The following MEST variants were observed in gnomAD, a reference collection of about 807,000 sequenced individuals.
The protein encoded by MEST is mesoderm-specific transcript homolog protein.
A neutral mutation model predicts 50.9 loss-of-function variants in MEST; 18 were observed. The ratio of observed to expected loss-of-function variants is 0.35; its 90% CI spans 0.24 to 0.52. MEST has a LOEUF of 0.52. Ranked by LOEUF, MEST falls within the 20% of genes least tolerant of loss-of-function variation. The pLI, the probability that MEST is intolerant of heterozygous loss-of-function variation, is 0.94. For missense variants in MEST, 282 were observed against 425.3 expected (o/e 0.66, Z 2.96); for synonymous variants, 130 against 154.1 (o/e 0.84, Z 1.16).
intron 6 of MEST, 117 bp from the exon 7 acceptor site, chr7:130,499,758 G>C: frequency 1.4e-6 from 1 of 737,848 alleles, no homozygotes; most frequent in Admixed American, 2.8e-5. Flanking sequence ...TTGGGAGGCT[G>C]AGGTGAGAGG....
At chr7:130,486,640 G>A (rs1430416330) in intron 1 of MEST, 1 of 152,292 alleles carries the variant, frequency 6.6e-6, no homozygotes, top group Non-Finnish European at 1.5e-5. Flanking sequence ...GTGGGCGAGA[G>A]CCTCGGTCGT....
At chr7:130,496,952 A>G (rs1799084199) in intron 2 of MEST, 1 of 370,078 alleles carries the variant, frequency 2.7e-6, no homozygotes, top group Non-Finnish European at 4.9e-6. Context: ...GATTTTTACA[A>G]TGTTTTAATA....
rs1489745771 is a variant in MEST, at chr7:130,495,558, G to A, written c.181+36G>A. On this transcript the variant is annotated intron_variant, in intron 2 of 11. Coordinates refer to ENST00000223215, the MANE Select transcript of MEST (RefSeq NM_002402.4). ...GACTATTGGAAGTCCTGCGTGTATC[G>A]GTCACATAAGTCCCAGCTGAGGTAT... The A allele has an allele frequency of 6.3e-6, 10 of 1,598,602 alleles. No individual in the cohort carries two copies. The Admixed American group carries it at 6.7e-5, about 11-fold the overall frequency.
upstream of MEST, chr7:130,491,491 G>C (rs1352981405): frequency 1.3e-5 from 2 of 152,330 alleles, no homozygotes; most frequent in Admixed American, 1.3e-4. This position sits in a 1 kb window ranked among gnomAD's most constrained non-coding sequence, Gnocchi z 6.8. Context: ...TTGGTGGTGG[G>C]TCCAACAGAG....
intron 11 of MEST, 108 bp downstream of exon 11, chr7:130,504,104 G>A (rs1403253112): frequency 9.3e-5 from 73 of 781,884 alleles, no homozygotes; most frequent in Non-Finnish European, 1.4e-4. Context: ...CTTTAACCTC[G>A]CTGGCTGTTC....
chr7:130,491,477 TAGCTTGGTGGTGGGTCCAACAG>T (rs1288895032), upstream of MEST: 1 of 152,330 alleles, frequency 6.6e-6, no homozygotes, highest in Non-Finnish European at 1.5e-5. This position sits in a 1 kb window ranked among gnomAD's most constrained non-coding sequence, Gnocchi z 6.8. Context: ...ATCTGTTTAC[TAGCTTGGTGGTGGGTCCAACAG>T]AGCTTGTTGC....
rs1798850350 is a variant in MEST, at chr7:130,492,249, G to T, written c.-65G>T. 7.7e-7 allele frequency: 1 copy of T among 1,303,118 alleles called. No individual in the cohort carries two copies. Among genetic ancestry groups the T allele is most frequent in the Non-Finnish European group, 9.8e-7 (1 of 1,024,960 alleles). The allele number at this position is 1,303,118 out of a possible 1,614,324, so 80.7% of individuals were successfully genotyped here. Reference sequence around the variant, plus strand: ...CCCCGCTGCTGGCCAGCTCTGCACGGCTGCGGGCTCTGCGGCGCCCGGTGC... The same window carrying T: ...CCCCGCTGCTGGCCAGCTCTGCACGTCTGCGGGCTCTGCGGCGCCCGGTGC... On this transcript the variant is annotated 5_prime_UTR_variant, in exon 1 of 12. Coordinates refer to ENST00000223215, the MANE Select transcript of MEST (RefSeq NM_002402.4). This position sits in a 1 kb window ranked among gnomAD's most constrained non-coding sequence, Gnocchi z 7.6.
rs1799225821 is a variant in MEST at position 130,500,279 on chromosome 7, A to G, written c.577-183A>G. ...ATTGTAGAAAAGTAATCTTAGATGG[A>G]ATTAGAAATAGATTTGTCTTCCTTG... On this transcript the variant is annotated intron_variant, in intron 7 of 11. Transcript: ENST00000223215. This position sits in a 1 kb window ranked among gnomAD's most constrained non-coding sequence, Gnocchi z 5.0. Among the ~76,000 whole-genome samples the G allele has an allele frequency of 6.6e-6, 1 of 152,254 alleles. No individual in the cohort carries two copies. The highest frequency in any genetic ancestry group is 1.5e-5 in the Non-Finnish European group (1 of 68,040).
rs1363904127 is a variant in MEST, at chr7:130,492,922, T to G, written c.26+583T>G. 6.6e-6 allele frequency among the ~76,000 whole-genome samples: 1 copy of G among 151,590 alleles called. No homozygotes were observed. Among genetic ancestry groups the G allele is most frequent in the African/African-American group, 2.4e-5 (1 of 41,222 alleles). ...TTTTAGAACCCCAGCATCGCTCTGG[T>G]GCGACTTAAAGGATAGGCCCCAGCA... On this transcript the variant is annotated intron_variant, in intron 1 of 11. Transcript: ENST00000223215. This position sits in a 1 kb window ranked among gnomAD's most constrained non-coding sequence, Gnocchi z 7.6.
Position 130,498,283 on chromosome 7 carries a change from G to C in MEST, c.476+8G>C, listed in dbSNP as rs1799144995. 1 of 1,613,720 alleles carries C rather than the reference G, an allele frequency of 6.2e-7. No individual in the cohort carries two copies. Among genetic ancestry groups the C allele is most frequent in the South Asian group, 1.1e-5 (1 of 91,024 alleles). On this transcript the variant is annotated splice_region_variant and intron_variant, in intron 5 of 11. Transcript: ENST00000223215. The stretch of plus-strand genomic sequence containing the variant: ...TCAGGAGCTTCTCTACAGGTCAGTG[G>C]AGCTTCAGACTTCAGCTTATGATGC...
rs1224636028 is a variant in MEST at position 130,505,632 on chromosome 7, T to TA, written c.*577dup. ...TTAAAATAGATATTGGTTTAAATGA[T>TA]ACAGTATTTTAGGTATGATTTAAGA... On this transcript the variant is annotated 3_prime_UTR_variant, in exon 12 of 12. Transcript: ENST00000223215. 1 of 152,348 alleles carries TA rather than the reference T, an allele frequency of 6.6e-6. No individual in the cohort carries two copies. Among genetic ancestry groups the TA allele is most frequent in the Non-Finnish European group, 1.5e-5 (1 of 68,140 alleles). The allele number at this position is 152,348 out of a possible 1,614,324, so 9.4% of individuals were successfully genotyped here. A position where few individuals can be genotyped will look rare whatever the true frequency, so the allele number is the denominator to read the frequency against.
intron 2 of MEST, chr7:130,496,912 A>T (rs185053692): frequency 2.2e-4 from 71 of 317,588 alleles, no homozygotes; most frequent in Non-Finnish European, 3.6e-4. Flanking sequence ...GAAAGTAAAC[A>T]AGGTGCCTTC....
intron 9 of MEST, among the ~76,000 whole-genome samples, chr7:130,501,249 A>C (rs1799267582): frequency 6.6e-6 from 1 of 152,138 alleles, no homozygotes; most frequent in Non-Finnish European, 1.5e-5. Flanking sequence ...GGTTCAAATG[A>C]GAATGTAGAC....
In MEST at chr7:130,503,838, A is replaced by C. The variant is rs564599750; in HGVS notation, c.827-95A>C. On this transcript the variant is annotated intron_variant, in intron 10 of 11. Coordinates refer to ENST00000223215, the MANE Select transcript of MEST (RefSeq NM_002402.4). ...GCCTATTATAATAAAAAAAGGAAGAAGAAAACATTTCTTTTCGGAGAGGAG... is the reference window on the plus strand; with the variant it reads ...GCCTATTATAATAAAAAAAGGAAGACGAAAACATTTCTTTTCGGAGAGGAG... The C allele has an allele frequency of 2.8e-5, 27 of 950,916 alleles. No individual in the cohort carries two copies. The African/African-American group carries it at 4.3e-4, about 15-fold the overall frequency. The allele number at this position is 950,916 out of a possible 1,614,324, so 58.9% of individuals were successfully genotyped here.
At position 130,505,177 on chromosome 7, in the gene MEST, A is replaced by G. The variant is rs1284218583; in HGVS notation, c.*121A>G. 1 of 771,770 alleles carries G rather than the reference A, an allele frequency of 1.3e-6. No homozygotes were observed. The highest frequency in any genetic ancestry group is 2.2e-6 in the Non-Finnish European group (1 of 457,902). The allele number at this position is 771,770 out of a possible 1,614,324, so 47.8% of individuals were successfully genotyped here. A position where few individuals can be genotyped will look rare whatever the true frequency, so the allele number is the denominator to read the frequency against. ...CAAACATAATTCTCTCACAAAGTCC[A>G]CTTTACTCAAATTGGTGAACAGTGT... On this transcript the variant is annotated 3_prime_UTR_variant, in exon 12 of 12. Coordinates refer to ENST00000223215, the MANE Select transcript of MEST (RefSeq NM_002402.4).
In MEST at chr7:130,497,212, A is replaced by C; in HGVS notation, c.238A>C (p.Thr80Pro). Residue 80 changes from threonine (T) to proline (P), a missense_variant, in exon 3 of 12, where the codon ACA becomes CCA. Physicochemically the swap from Thr to Pro is conservative, Grantham distance 38 (BLOSUM62 -1). Transcript: ENST00000223215. This position sits in a 1 kb window ranked among gnomAD's most constrained non-coding sequence, Gnocchi z 4.0. ...AGTTGTGCTTTTACACGGTTTTCCA[A>C]CATCCAGCTACGACTGGTACAAGGT... ...EIVVLLHGFPTSSYDWYKIWE... is the reference protein window; with the variant it reads ...EIVVLLHGFPPSSYDWYKIWE... 2 of 1,613,416 alleles carry C rather than the reference A, an allele frequency of 1.2e-6. No homozygotes were observed. The highest frequency in any genetic ancestry group is 1.7e-6 in the Non-Finnish European group (2 of 1,179,642).
chr7:130,504,917 G>A, intron 11 of MEST, 22 bp from the exon 12 acceptor site: 1 of 1,594,888 alleles, frequency 6.3e-7, no homozygotes, highest in African/African-American at 1.3e-5. Flanking sequence ...AAGTTCACCT[G>A]CGTGCTGTTC....
Position 130,505,046 on chromosome 7 carries a change from A to G in MEST, c.998A>G (p.Asn333Ser). The G allele has an allele frequency of 6.2e-7, 1 of 1,610,676 alleles. No individual in the cohort carries two copies. The highest frequency in any genetic ancestry group is 8.5e-7 in the Non-Finnish European group (1 of 1,177,430). The change falls in exon 12 of 12, where the codon AAC (asparagine) becomes AGC (serine). Residue 333 changes from asparagine to serine, a missense_variant. Asn to Ser is a conservative substitution (Grantham distance 46). Coordinates refer to ENST00000223215, the MANE Select transcript of MEST (RefSeq NM_002402.4). ...GFLNAYMGFINSF is the reference protein window; with the variant it reads ...GFLNAYMGFISSF ...TTGAATGCATATATGGGCTTCATCA[A>G]CTCCTTCTGAGCTGGAAAGAGTAGC...
intron 2 of MEST, chr7:130,496,954 G>T: frequency 2.6e-6 from 1 of 380,426 alleles, no homozygotes. Flanking sequence ...TTTTTACAAT[G>T]TTTTAATATA....
Sources: gnomAD v4.1 joint callset for allele counts (sites outside exome capture counted in the v4.1 genomes callset) on GRCh38, gnomAD v4.1.1 for gene constraint, Gnocchi (gnomAD v3.1) non-coding constraint, MANE v1.5 for transcripts, NCBI Gene and HGNC (gene_info 2026-07-23, HGNC 2026-07-21) for gene names.